PTBP2: variants seen among roughly 807,000 people sequenced by gnomAD.
PTBP2 encodes polypyrimidine tract-binding protein 2.
In PTBP2, 13 loss-of-function variants were observed where a neutral mutation model predicts 61.4. The ratio of observed to expected loss-of-function variants is 0.21; its 90% confidence interval spans 0.14 to 0.34. PTBP2 has a LOEUF of 0.34. PTBP2 is among the 10% of genes least tolerant of loss of function. The pLI is 1.00. For synonymous variants in PTBP2, 215 were observed against 218.5 expected (o/e 0.98, Z 0.14); for missense variants, 405 against 642.6 (o/e 0.63, Z 4.00).
At chr1:96,732,931 A>G (rs1570710830) in intron 2 of PTBP2, among the ~76,000 whole-genome samples, 1 of 152,278 alleles carries the variant, frequency 6.6e-6, no homozygotes, top group Non-Finnish European at 1.5e-5. Context: ...AATTACAGGT[A>G]GTGAAATTTG....
intron 7 of PTBP2, among the ~76,000 whole-genome samples, chr1:96,784,312 G>A (rs1051301687): frequency 6.6e-6 from 1 of 151,964 alleles, no homozygotes; most frequent in Non-Finnish European, 1.5e-5. Context: ...CCTTGAAGAA[G>A]CATGACAGCC....
intron 8 of PTBP2, among the ~76,000 whole-genome samples, chr1:96,797,939 G>A (rs1419687620): frequency 1.3e-5 from 2 of 152,108 alleles, no homozygotes; most frequent in African/African-American, 4.8e-5. Context: ...AGCTGGGTGT[G>A]GTGGTGGGTG....
At chr1:96,789,031 C>CT (rs1659501487) in intron 8 of PTBP2, among the ~76,000 whole-genome samples, 1 of 152,110 alleles carries the variant, frequency 6.6e-6, no homozygotes, top group African/African-American at 2.4e-5. Context: ...TAAATTGAGA[C>CT]ATCATTATAA....
chr1:96,799,293 G>GTTTT, intron 8 of PTBP2, among the ~76,000 whole-genome samples: 1 of 88,290 alleles, frequency 1.1e-5, no homozygotes, highest in South Asian at 3.7e-4. Context: ...AATAGATCAA[G>GTTTT]CTTTTTTTTT....
chr1:96,746,753 G>A (rs1375781574), intron 2 of PTBP2, among the ~76,000 whole-genome samples: 1 of 150,672 alleles, frequency 6.6e-6, no homozygotes, highest in African/African-American at 2.4e-5. Flanking sequence ...TTGTCTTTTG[G>A]TTATTTGTGT....
chr1:96,756,036 A>G (rs1447596402), intron 3 of PTBP2, among the ~76,000 whole-genome samples: 8 of 152,158 alleles, frequency 5.3e-5, no homozygotes, highest in Non-Finnish European at 8.8e-5. Flanking sequence ...AGCAACAGGA[A>G]CTCTCACTTA....
intron 2 of PTBP2, among the ~76,000 whole-genome samples, chr1:96,728,910 T>C (rs1009401173): frequency 7.2e-5 from 11 of 152,140 alleles, no homozygotes; most frequent in East Asian, 5.8e-4. Context: ...GTAAATGATA[T>C]TTTAAAAACT....
At chr1:96,763,448 C>T (rs971681917) in intron 3 of PTBP2, among the ~76,000 whole-genome samples, 3 of 151,412 alleles carry the variant, frequency 2.0e-5, no homozygotes, top group African/African-American at 7.3e-5. Context: ...CGTGGCGGCG[C>T]GTGCCTGCAA....
chr1:96,805,043 C>G, intron 9 of PTBP2, 104 bp downstream of exon 9: 4 of 877,248 alleles, frequency 4.6e-6, no homozygotes, highest in Non-Finnish European at 6.6e-6. Context: ...TATGTACATT[C>G]ATTAGTCAAA....
At chr1:96,731,720 CT>C (rs1248509517) in intron 2 of PTBP2, among the ~76,000 whole-genome samples, 6 of 151,796 alleles carry the variant, frequency 4.0e-5, no homozygotes, top group African/African-American at 1.5e-4. Flanking sequence ...TGATTTTAGA[CT>C]TTTTTTTGTT....
At chr1:96,816,415 T>C (rs1293109185), downstream of PTBP2, 2 of 152,180 alleles carry the variant, frequency 1.3e-5, no homozygotes, top group African/African-American at 2.4e-5. Flanking sequence ...CTTAGCTGCT[T>C]TGTTAATAGA....
intron 3 of PTBP2, among the ~76,000 whole-genome samples, chr1:96,764,482 C>T (rs747628968): frequency 2.6e-5 from 4 of 152,166 alleles, no homozygotes; most frequent in African/African-American, 4.8e-5. Flanking sequence ...TTTAGGTATA[C>T]ATATTTCTGC....
At chr1:96,745,885 T>G (rs1396433354) in intron 2 of PTBP2, among the ~76,000 whole-genome samples, 3 of 151,906 alleles carry the variant, frequency 2.0e-5, no homozygotes, top group Non-Finnish European at 4.4e-5. Context: ...GCCAACATAG[T>G]GAAACCCCCA....
At chr1:96,811,990 G>C (rs1225322868) in intron 11 of PTBP2, among the ~76,000 whole-genome samples, 4 of 152,140 alleles carry the variant, frequency 2.6e-5, no homozygotes, top group African/African-American at 9.7e-5. Context: ...TATACCAATT[G>C]AGCTTCCCAA....
At chr1:96,730,705 G>C (rs1280775734) in intron 2 of PTBP2, among the ~76,000 whole-genome samples, 2 of 152,158 alleles carry the variant, frequency 1.3e-5, no homozygotes, top group East Asian at 1.9e-4. Flanking sequence ...ACTTTGACCT[G>C]TATGTAAACT....
chr1:96,785,311 C>G (rs1463474706), intron 8 of PTBP2, 57 bp downstream of exon 8: 31 of 1,350,886 alleles, frequency 2.3e-5, no homozygotes, highest in African/African-American at 1.5e-5. Context: ...GGAAAAGTAC[C>G]AGTAAGTATA....
intron 5 of PTBP2, among the ~76,000 whole-genome samples, chr1:96,774,248 C>G (rs1193638909): frequency 2.6e-5 from 4 of 152,086 alleles, no homozygotes; most frequent in Non-Finnish European, 5.9e-5. Flanking sequence ...TGTTAATGAA[C>G]TAGACTTTCT....
chr1:96,775,271 T>A (rs1360795854), intron 5 of PTBP2, among the ~76,000 whole-genome samples: 2 of 152,214 alleles, frequency 1.3e-5, no homozygotes, highest in Non-Finnish European at 2.9e-5. Context: ...TTCTTTGATG[T>A]AGTAAACTCG....
rs964826539 is a variant in PTBP2, at chr1:96,813,546, C to T, written c.*141C>T. On this transcript the variant is annotated 3_prime_UTR_variant, in exon 14 of 14. Transcript: ENST00000674951. ...TTCTTTTTTTTTTCCATGCTGTTAT[C>T]ATTCCTTGGTTATAAAATGAAATGG... 2 of 759,780 alleles carry T rather than the reference C, an allele frequency of 2.6e-6. No homozygotes were observed. The highest frequency in any genetic ancestry group is 3.8e-6 in the Non-Finnish European group (2 of 526,432). The allele number at this position is 759,780 out of a possible 1,614,324, so 47.1% of individuals were successfully genotyped here.
Sources: allele counts gnomAD v4.1 joint callset (sites outside exome capture counted in the v4.1 genomes callset), GRCh38; gene constraint gnomAD v4.1.1; transcripts MANE v1.5; gene names NCBI Gene and HGNC (gene_info 2026-07-23, HGNC 2026-07-21).